The following PITPNC1 variants were observed in gnomAD, a reference collection of about 807,000 sequenced individuals.
PITPNC1 encodes the protein cytoplasmic phosphatidylinositol transfer protein 1.
PITPNC1 carries 18 observed loss-of-function variants against 44.7 expected under a neutral mutation model. The ratio of observed to expected loss-of-function variants is 0.40; its 90% CI spans 0.28 to 0.60. PITPNC1 has a LOEUF of 0.60. PITPNC1 is among the 20% of genes least tolerant of loss of function. The pLI, the probability that PITPNC1 is intolerant of heterozygous loss-of-function variation, is 0.39. For synonymous variants in PITPNC1, 141 were observed against 149.6 expected, an observed-to-expected ratio of 0.94 and a Z score of 0.42; for missense variants, 290 against 418.4, an observed-to-expected ratio of 0.69 and a Z score of 2.68.
intron 5 of PITPNC1, among the ~76,000 whole-genome samples, chr17:67,621,223 T>TTTATTTTATTTTA: frequency 6.7e-6 from 1 of 150,274 alleles, no homozygotes; most frequent in East Asian, 1.9e-4. Flanking sequence ...TTTATTTTAT[T>TTTATTTTATTTTA]TTAAGACAAA....
At chr17:67,583,887 GTGTGTGTGTTTGTGTGTGTGTGTGTT>G (rs1568052035) in intron 5 of PITPNC1, among the ~76,000 whole-genome samples, 1 of 133,654 alleles carries the variant, frequency 7.5e-6, no homozygotes, top group East Asian at 2.4e-4. Flanking sequence ...GTGTGTGTGT[GTGTGTGTGTTTGTGTGTGTGTGTGTT>G]TGTGTTTAGT....
At chr17:67,440,804 T>TC (rs766660797) in intron 1 of PITPNC1, among the ~76,000 whole-genome samples, 1 of 151,870 alleles carries the variant, frequency 6.6e-6, no homozygotes, top group African/African-American at 2.4e-5. Context: ...CACCTCAGCC[T>TC]CCCAAAGTGC....
chr17:67,641,995 T>C (rs1018217851), intron 6 of PITPNC1, among the ~76,000 whole-genome samples: 3 of 152,152 alleles, frequency 2.0e-5, no homozygotes, highest in South Asian at 2.1e-4. Flanking sequence ...AATGGACATA[T>C]GGGTTGAGAT....
intron 1 of PITPNC1, among the ~76,000 whole-genome samples, chr17:67,425,716 A>G (rs968115542): frequency 7.9e-5 from 12 of 151,618 alleles, no homozygotes; most frequent in African/African-American, 2.7e-4. Context: ...TTTTAAAGAG[A>G]TGGGGTCTCA....
chr17:67,598,378 A>G (rs374645599), intron 5 of PITPNC1, among the ~76,000 whole-genome samples: 1 of 152,270 alleles, frequency 6.6e-6, no homozygotes, highest in South Asian at 2.1e-4. Flanking sequence ...TCGTGCTACC[A>G]ACTAAGGCGA....
chr17:67,447,953 T>C (rs1232187029), intron 1 of PITPNC1, among the ~76,000 whole-genome samples: 1 of 139,626 alleles, frequency 7.2e-6, no homozygotes, highest in African/African-American at 2.7e-5. Context: ...TCCTTCCTTC[T>C]TTCTTTCTTT....
intron 6 of PITPNC1, among the ~76,000 whole-genome samples, chr17:67,655,612 C>A (rs983432779): frequency 6.6e-6 from 1 of 150,612 alleles, no homozygotes; most frequent in Non-Finnish European, 1.5e-5. Context: ...GGTCCCCACC[C>A]CCTAATACCA....
chr17:67,409,735 A>C (rs2038463622), intron 1 of PITPNC1, among the ~76,000 whole-genome samples: 1 of 151,952 alleles, frequency 6.6e-6, no homozygotes, highest in African/African-American at 2.4e-5. Flanking sequence ...GTGGGGTTTC[A>C]TCATGTTGTC....
At chr17:67,559,713 C>T (rs994817110) in intron 4 of PITPNC1, among the ~76,000 whole-genome samples, 2 of 152,124 alleles carry the variant, frequency 1.3e-5, no homozygotes, top group African/African-American at 2.4e-5. Context: ...ATGGTGAAAC[C>T]TTGTCTCGAC....
intron 2 of PITPNC1, among the ~76,000 whole-genome samples, chr17:67,539,933 T>G (rs893810088): frequency 1.3e-5 from 2 of 152,138 alleles, no homozygotes; most frequent in African/African-American, 4.8e-5. Flanking sequence ...TTACTACATT[T>G]ATATATATTG....
intron 5 of PITPNC1, among the ~76,000 whole-genome samples, chr17:67,593,502 G>A (rs146789938): frequency 2.6e-5 from 4 of 152,072 alleles, no homozygotes; most frequent in African/African-American, 7.2e-5. Flanking sequence ...GGGTTCAAGC[G>A]ACTCTCCTGC....
At chr17:67,656,547 G>C (rs1201163389) in intron 6 of PITPNC1, among the ~76,000 whole-genome samples, 2 of 152,228 alleles carry the variant, frequency 1.3e-5, no homozygotes, top group South Asian at 4.1e-4. Flanking sequence ...TTAAGACCTG[G>C]ACATATTTTT....
chr17:67,523,715 G>A (rs1232065916), intron 1 of PITPNC1, among the ~76,000 whole-genome samples: 3 of 151,270 alleles, frequency 2.0e-5, no homozygotes, highest in East Asian at 1.9e-4. Context: ...GGAGGCCCAG[G>A]TAATAGCCAG....
intron 5 of PITPNC1, among the ~76,000 whole-genome samples, chr17:67,596,089 G>A (rs1442383362): frequency 8.5e-5 from 13 of 152,180 alleles, no homozygotes; most frequent in Admixed American, 7.9e-4. Flanking sequence ...ATGAGATTGG[G>A]TTTGTTATGA....
intron 1 of PITPNC1, among the ~76,000 whole-genome samples, chr17:67,470,419 G>C (rs925874991): frequency 6.6e-6 from 1 of 152,184 alleles, no homozygotes; most frequent in African/African-American, 2.4e-5. Context: ...CCCCACTCCT[G>C]TTCCTAACAA....
Position 67,578,255 on chromosome 17 carries a change from A to G in PITPNC1, c.364A>G (p.Thr122Ala), listed in dbSNP as rs924121684. The change falls in exon 5 of 9, where the codon ACC becomes GCC. Residue 122 changes from threonine (T) to alanine (A), a missense_variant and splice_region_variant. Physicochemically the swap from Thr to Ala is moderately conservative, Grantham distance 58. Coordinates refer to ENST00000581322, the MANE Select transcript of PITPNC1 (RefSeq NM_012417.4). ...TGAGGACAACAAAGGAAGCAATGACACCGTGAGTAGCCCCTCCTTCCATGC... is the reference window on the plus strand; with the variant it reads ...TGAGGACAACAAAGGAAGCAATGACGCCGTGAGTAGCCCCTCCTTCCATGC... ...KYEDNKGSND[T>A]IFDNEAKDVE... 5 of 1,605,302 alleles carry G rather than the reference A, an allele frequency of 3.1e-6. No individual in the cohort carries two copies. The East Asian group carries it at 1.1e-4, about 36-fold the overall frequency.
Position 67,692,568 on chromosome 17 carries a change from G to A in PITPNC1, c.683-4G>A, listed in dbSNP as rs188460872. The A allele has an allele frequency of 1.8e-3, 2,949 of 1,604,746 alleles. 6 individuals are homozygous for A. Among genetic ancestry groups the A allele is most frequent in the Non-Finnish European group, 2.3e-3 (2,679 of 1,172,372 alleles). On this transcript the variant is annotated splice_polypyrimidine_tract_variant and splice_region_variant and intron_variant, in intron 8 of 8. Transcript: ENST00000581322. ...CGTTTTTCTTTCTGTTTTTCTCCTTGAAGACATGACAATGGATGAAGTCCG... is the reference window on the plus strand; with the variant it reads ...CGTTTTTCTTTCTGTTTTTCTCCTTAAAGACATGACAATGGATGAAGTCCG...
chr17:67,527,440 C>T (rs7215632), intron 1 of PITPNC1, among the ~76,000 whole-genome samples: 100,522 of 152,076 alleles, frequency 0.66, 33,755 homozygotes, highest in East Asian at 0.88. Flanking sequence ...TGTAATGGCT[C>T]ATGCCTGTAA....
intron 4 of PITPNC1, among the ~76,000 whole-genome samples, chr17:67,556,568 A>G (rs1165596273): frequency 6.6e-6 from 1 of 152,152 alleles, no homozygotes; most frequent in Non-Finnish European, 1.5e-5. Context: ...GGGCCAAGGG[A>G]AGGGAGGGGT....
Sources: gnomAD v4.1 joint callset for allele counts (sites outside exome capture counted in the v4.1 genomes callset) on GRCh38, gnomAD v4.1.1 for gene constraint, MANE v1.5 for transcripts, NCBI Gene and HGNC (gene_info 2026-07-23, HGNC 2026-07-21) for gene names.